KMT2B: variants seen among roughly 807,000 people sequenced by gnomAD.
KMT2B encodes the protein histone-lysine N-methyltransferase 2B.
In KMT2B, 22 loss-of-function variants were observed where a neutral mutation model predicts 255.3. The ratio of observed to expected loss-of-function variants is 0.09; its 90% CI spans 0.06 to 0.12. KMT2B has a LOEUF of 0.12. Among genes scored for constraint, KMT2B ranks in the 10% least tolerant of loss-of-function variants. KMT2B has a pLI of 1.00. For missense variants in KMT2B, 3,149 were observed against 3,737.0 expected (o/e 0.84, Z 4.10); for synonymous variants, 1,730 against 1,498.1 (o/e 1.15, Z -3.57).
chr19:35,721,089 C>G lies in KMT2B; in HGVS notation c.1742C>G (p.Pro581Arg), dbSNP rs1969177950. Residue 581 changes from proline to arginine, a missense_variant, in exon 3 of 37, where the codon CCC becomes CGC. Around this residue, in one of 18 missense-constraint regions of KMT2B, gnomAD observed 1,188 missense variants for 1,106.4 expected, o/e 1.07. Coordinates refer to ENST00000420124, the MANE Select transcript of KMT2B (RefSeq NM_014727.3). ...GTTCCCCAGGAGCCAGCACCAGTCCCCTCTCCACCACGTGCCCCAACTCCT... is the reference window on the plus strand; with the variant it reads ...GTTCCCCAGGAGCCAGCACCAGTCCGCTCTCCACCACGTGCCCCAACTCCT... Reference protein sequence around the residue: ...PPVPQEPAPVPSPPRAPTPPS... With the variant: ...PPVPQEPAPVRSPPRAPTPPS... 1.9e-6 allele frequency: 3 copies of G among 1,611,434 alleles called. No homozygotes were observed. Among genetic ancestry groups the G allele is most frequent in the South Asian group, 1.1e-5 (1 of 90,514 alleles).
intron 21 of KMT2B, 31 bp downstream of exon 21, chr19:35,729,107 T>TG: frequency 6.2e-7 from 1 of 1,613,984 alleles, no homozygotes; most frequent in Non-Finnish European, 8.5e-7. Context: ...CACCAGGTTG[T>TG]GGGGCCTGTT....
In KMT2B at chr19:35,730,129, G is replaced by A; in HGVS notation, c.5076+4G>A. ...CACTGATCTCCTGGATGGCAAGGTGGGCCAGAACTGTGGGGTACACGGTTC... is the reference window on the plus strand; with the variant it reads ...CACTGATCTCCTGGATGGCAAGGTGAGCCAGAACTGTGGGGTACACGGTTC... On this transcript the variant is annotated splice_donor_region_variant and intron_variant, in intron 23 of 36. Transcript: ENST00000420124. 3.1e-6 allele frequency: 5 copies of A among 1,613,504 alleles called. No individual in the cohort carries two copies. The highest frequency in any genetic ancestry group is 4.2e-6 in the Non-Finnish European group (5 of 1,179,678).
intron 30 of KMT2B, chr19:35,736,346 TTGTG>T (rs1365674343): frequency 4.4e-6 from 1 of 228,658 alleles, no homozygotes; most frequent in African/African-American, 2.3e-5. Context: ...ATTTTAAATT[TTGTG>T]TGAGAAACAG....
At position 35,732,612 on chromosome 19, in the gene KMT2B, G is replaced by A. The variant is rs748731547; in HGVS notation, c.6063G>A (p.Gly2021=). The A allele has an allele frequency of 1.9e-6, 3 of 1,612,570 alleles. No individual in the cohort carries two copies. The highest frequency in any genetic ancestry group is 2.2e-5 in the South Asian group (2 of 90,914). ...GAMGSSHGGP[G]DSSEEESSPT... is the part of the protein sequence containing the mutation. ...TGGGGAGCAGCCACGGGGGCCCGGGGGACAGCTCCGAGGAGGAGTCCAGCC... is the reference window on the plus strand; with the variant it reads ...TGGGGAGCAGCCACGGGGGCCCGGGAGACAGCTCCGAGGAGGAGTCCAGCC... The change falls in exon 28 of 37, where the codon GGG becomes GGA. Residue 2021 remains glycine, a synonymous_variant. Transcript: ENST00000420124.
At chr19:35,719,069 C>A (rs1969078057) in intron 1 of KMT2B, among the ~76,000 whole-genome samples, 1 of 152,284 alleles carries the variant, frequency 6.6e-6, no homozygotes, top group South Asian at 2.1e-4. Context: ...CACTTGCGGG[C>A]CCCTGTTCCC....
rs1375377258 is a variant in KMT2B, at chr19:35,720,920, C to T, written c.1573C>T (p.Arg525Trp). ...AAGCACCACCTTCCTGAAGAATATC[C>T]GGCAGTTTATTATGCCTGTGGTGAG... ...PKSTTFLKNI[R>W]QFIMPVVSAR... is the part of the protein sequence containing the mutation. The change falls in exon 3 of 37, where the codon CGG (arginine) becomes TGG (tryptophan). Residue 525 changes from arginine to tryptophan, a missense_variant. Physicochemically the swap from Arg to Trp is moderately radical, Grantham distance 101. Around this residue, in one of 18 missense-constraint regions of KMT2B, gnomAD observed 1,188 missense variants for 1,106.4 expected, o/e 1.07. Coordinates refer to ENST00000420124, the MANE Select transcript of KMT2B (RefSeq NM_014727.3). 19 of 1,610,330 alleles carry T rather than the reference C, an allele frequency of 1.2e-5. 1 individual carries two copies. Among genetic ancestry groups the T allele is most frequent in the African/African-American group, 2.7e-5 (2 of 74,674 alleles).
rs1969061210 is a variant in KMT2B at position 35,718,753 on chromosome 19, C to G, written c.363+372C>G. Among the ~76,000 whole-genome samples the G allele has an allele frequency of 6.6e-6, 1 of 152,174 alleles. No homozygotes were observed. On this transcript the variant is annotated intron_variant, in intron 1 of 36. Coordinates refer to ENST00000420124, the MANE Select transcript of KMT2B (RefSeq NM_014727.3). The surrounding 1 kb of genome is among the most constrained non-coding windows in gnomAD (Gnocchi z 5.0). ...GCCTTGGCAGACAGGTTGGAGCTGT[C>G]TGGGCTCTTACCTGTGGGCCGCCCC...
Position 35,725,606 on chromosome 19 carries a change from G to A in KMT2B, c.3770G>A (p.Arg1257His), listed in dbSNP as rs749257014. The A allele has an allele frequency of 9.3e-6, 15 of 1,610,386 alleles. 1 individual carries two copies. Among genetic ancestry groups the A allele is most frequent in the East Asian group, 6.7e-5 (3 of 44,900 alleles). ...TGCAAATTCTGCCACGTCTGTGGAC[G>A]CAAAGGTCGTGGATCCAAGGTTTGG... ...RRCKFCHVCGRKGRGSKHLLE... is the reference protein window; with the variant it reads ...RRCKFCHVCGHKGRGSKHLLE... Residue 1257 changes from arginine (R) to histidine (H), a missense_variant, in exon 12 of 37, where the codon CGC becomes CAC. Around this residue, in one of 18 missense-constraint regions of KMT2B, gnomAD observed 377 missense variants for 471.0 expected, o/e 0.80. Coordinates refer to ENST00000420124, the MANE Select transcript of KMT2B (RefSeq NM_014727.3). This position sits in a 1 kb window ranked among gnomAD's most constrained non-coding sequence, Gnocchi z 4.1.
At position 35,722,684 on chromosome 19, in the gene KMT2B, C is replaced by A; in HGVS notation, c.2688C>A (p.Leu896=). 1 of 1,610,404 alleles carries A rather than the reference C, an allele frequency of 6.2e-7. No homozygotes were observed. Among genetic ancestry groups the A allele is most frequent in the South Asian group, 1.1e-5 (1 of 90,680 alleles). Residue 896 remains leucine (L), a synonymous_variant, in exon 5 of 37, where the codon CTC becomes CTA. Transcript: ENST00000420124. ...AAGATGTCCCTCGCCTCAGTGCCCT[C>A]CCTCTCCGGGATCGGCAGGACCTCG... ...VPEDVPRLSA[L]PLRDRQDLAT...
rs755243130 is a variant in KMT2B, at chr19:35,732,691, G to T, written c.6142G>T (p.Ala2048Ser). The T allele has an allele frequency of 5.6e-6, 9 of 1,608,226 alleles. No individual in the cohort carries two copies. The highest frequency in any genetic ancestry group is 7.6e-6 in the Non-Finnish European group (9 of 1,177,732). The change falls in exon 28 of 37, where the codon GCC becomes TCC. Residue 2048 changes from alanine (A) to serine (S), a missense_variant. Ala to Ser is a moderately conservative substitution (Grantham distance 99). This residue lies in a region of KMT2B where 897 missense variants were observed against 825.3 expected (regional missense o/e 1.09). Transcript: ENST00000420124. ...PVTVVSAPGL[A>S]PSATPGAPRI... ...GACTGTGGTGTCCGCCCCTGGTCTG[G>T]CCCCCAGCGCTACCCCTGGAGCCCC...
rs1969923524 is a variant in KMT2B, at chr19:35,736,535, T to C, written c.7160-155T>C. On this transcript the variant is annotated intron_variant, in intron 30 of 36. Coordinates refer to ENST00000420124, the MANE Select transcript of KMT2B (RefSeq NM_014727.3). ...GAAATGTCCATTCTGCAGGGCTCAC[T>C]GGGTAACTGGAGCAGAAGGAGGGCC... is the stretch of plus-strand genomic sequence containing the variant. 7.2e-6 allele frequency: 6 copies of C among 838,088 alleles called. No homozygotes were observed. In the Admixed American group the frequency reaches 8.2e-5, roughly 11 times the overall value. 51.9% of individuals were successfully genotyped at this position (838,088 alleles called of 1,614,324 possible).
At chr19:35,730,930 T>C (rs1485679978) in intron 26 of KMT2B, 63 bp downstream of exon 26, 3 of 1,470,932 alleles carry the variant, frequency 2.0e-6, no homozygotes, top group South Asian at 1.3e-5. Flanking sequence ...TACAGATCTC[T>C]GTTCCCCGCT....
Position 35,733,578 on chromosome 19 carries a change from C to T in KMT2B, c.6960-19C>T. On this transcript the variant is annotated intron_variant, in intron 28 of 36. Transcript: ENST00000420124. This position sits in a 1 kb window ranked among gnomAD's most constrained non-coding sequence, Gnocchi z 4.3. ...TGGGCGGGAGATGCGGCTCATCCTTCTCGGGCTCGCCCTCCCAGGTTTAGC... is the reference window on the plus strand; with the variant it reads ...TGGGCGGGAGATGCGGCTCATCCTTTTCGGGCTCGCCCTCCCAGGTTTAGC... 2 of 1,561,596 alleles carry T rather than the reference C, an allele frequency of 1.3e-6. No homozygotes were observed. The highest frequency in any genetic ancestry group is 1.7e-6 in the Non-Finnish European group (2 of 1,153,040).
At chr19:35,724,589 A>T (rs781158073) in intron 8 of KMT2B, 48 bp from the exon 9 acceptor site, 1 of 1,444,748 alleles carries the variant, frequency 6.9e-7, no homozygotes, top group Non-Finnish European at 9.5e-7. Flanking sequence ...GTAGAAGAAG[A>T]GGGGCGTGGA....
chr19:35,733,906 TG>T lies in KMT2B; in HGVS notation c.7159+35del. 6.7e-7 allele frequency: 1 copy of T among 1,485,100 alleles called. No homozygotes were observed. The highest frequency in any genetic ancestry group is 9.3e-7 in the Non-Finnish European group (1 of 1,070,612). The allele number at this position is 1,485,100 out of a possible 1,614,324, so 92.0% of individuals were successfully genotyped here. On this transcript the variant is annotated intron_variant, in intron 30 of 36. Coordinates refer to ENST00000420124, the MANE Select transcript of KMT2B (RefSeq NM_014727.3). The surrounding 1 kb of genome is among the most constrained non-coding windows in gnomAD (Gnocchi z 4.3). ...CGGCCTTGCCCTCTCCCTCCTTGCCTGTGCCTGGCTCAGCTGGGTGACTCAC... is the reference window on the plus strand; with the variant it reads ...CGGCCTTGCCCTCTCCCTCCTTGCCTTGCCTGGCTCAGCTGGGTGACTCAC...
At chr19:35,731,079 C>G (rs1316047554) in intron 26 of KMT2B, among the ~76,000 whole-genome samples, 1 of 152,226 alleles carries the variant, frequency 6.6e-6, no homozygotes, top group Non-Finnish European at 1.5e-5. Flanking sequence ...CGGCACGCTG[C>G]CTACTTGAGG....
At chr19:35,719,611 C>T (rs1489553714) in intron 2 of KMT2B, 70 bp downstream of exon 2, 3 of 1,518,276 alleles carry the variant, frequency 2.0e-6, no homozygotes, top group Non-Finnish European at 2.7e-6. Flanking sequence ...GTCAGCTCTT[C>T]CCTGTTCAAC....
At position 35,728,804 on chromosome 19, in the gene KMT2B, A is replaced by G. The variant is rs555629405; in HGVS notation, c.4602A>G (p.Pro1534=). ...TCCTTCCCAATGCGGTGTTGCCCCC[A>G]TCCCTGGATCATGTCTATGCGCAGT... ...NGVLPNAVLP[P]SLDHVYAQWR... is the part of the protein sequence containing the mutation. Residue 1534 remains proline, a synonymous_variant, in exon 20 of 37, where the codon CCA becomes CCG. Transcript: ENST00000420124. 3.3e-5 allele frequency: 54 copies of G among 1,613,840 alleles called. No homozygotes were observed. The South Asian group carries it at 5.7e-4, about 17-fold the overall frequency.
rs868041281 is a variant in KMT2B at position 35,723,495 on chromosome 19, TA to T, written c.3057del (p.Gly1020AlafsTer4). 2 of 1,568,492 alleles carry T rather than the reference TA, an allele frequency of 1.3e-6. No individual in the cohort carries two copies. The highest frequency in any genetic ancestry group is 1.7e-6 in the Non-Finnish European group (2 of 1,157,512). ...IEARKMERLA[K>X]KGRTIVKTLL... Reference sequence around the variant, plus strand: ...AGGCTCGGAAGATGGAACGACTGGCTAAAAAAGGTGACGAGCTTTAAGGAGC... The same window carrying T: ...AGGCTCGGAAGATGGAACGACTGGCTAAAAAGGTGACGAGCTTTAAGGAGC... On this transcript the variant is annotated frameshift_variant, in exon 7 of 37. Transcript: ENST00000420124. LOFTEE classifies it high-confidence loss of function. This position sits in a 1 kb window ranked among gnomAD's most constrained non-coding sequence, Gnocchi z 7.5.
Sources: allele counts gnomAD v4.1 joint callset (sites outside exome capture counted in the v4.1 genomes callset), GRCh38; gene constraint gnomAD v4.1.1; regional missense constraint gnomAD v4.1.1; non-coding constraint Gnocchi (gnomAD v3.1); transcripts MANE v1.5; gene names NCBI Gene and HGNC (gene_info 2026-07-23, HGNC 2026-07-21).